EIF3H: variants seen among roughly 807,000 people sequenced by gnomAD.
The protein encoded by EIF3H is eIF-3-gamma.
In EIF3H, 26 loss-of-function variants were observed where a neutral mutation model predicts 44.2. The ratio of observed to expected loss-of-function variants is 0.59; its 90% CI spans 0.43 to 0.82. The LOEUF (loss-of-function observed/expected upper bound fraction) is 0.82. Among genes scored for constraint, EIF3H ranks in the 40% least tolerant of loss-of-function variants. The probability of loss-of-function intolerance (pLI) is 0.00; values close to 1 mark genes in which losing one functional copy is unlikely to be tolerated. For missense variants in EIF3H, 359 were observed against 432.8 expected (o/e 0.83, Z 1.51); for synonymous variants, 166 against 151.9 (o/e 1.09, Z -0.68).
intron 2 of EIF3H, among the ~76,000 whole-genome samples, chr8:116,678,008 G>C (rs1382283567): frequency 1.3e-5 from 2 of 152,088 alleles, no homozygotes; most frequent in African/African-American, 4.8e-5. Context: ...CCCTTCCCAC[G>C]GTCTCCTTCC....
At chr8:116,762,150 A>T (rs1465766407) in intron 1 of EIF3H, among the ~76,000 whole-genome samples, 1 of 152,244 alleles carries the variant, frequency 6.6e-6, no homozygotes, top group Non-Finnish European at 1.5e-5. Context: ...ATCAGCTAAC[A>T]TCAAGGTCTC....
chr8:116,738,113 T>C lies in EIF3H; in HGVS notation c.133-11941A>G, dbSNP rs566231453. On this transcript the variant is annotated intron_variant, in intron 1 of 7. Coordinates refer to ENST00000521861, the MANE Select transcript of EIF3H (RefSeq NM_003756.3). ...CATCTGCATTTTAGTTATACTAGAA[T>C]GGAGCATGTGTTTGTTTTTAATTCA... is the stretch of plus-strand genomic sequence containing the variant. 1.4e-4 allele frequency among the ~76,000 whole-genome samples: 21 copies of C among 151,210 alleles called. No homozygotes were observed. The South Asian group carries it at 4.2e-3, about 30-fold the overall frequency.
chr8:116,645,641 T>C (rs959277905), intron 7 of EIF3H, among the ~76,000 whole-genome samples: 1 of 152,222 alleles, frequency 6.6e-6, no homozygotes, highest in Non-Finnish European at 1.5e-5. Flanking sequence ...TCTAATCCCA[T>C]GCAACAGTTA....
intron 1 of EIF3H, among the ~76,000 whole-genome samples, chr8:116,737,933 G>A (rs1815069792): frequency 6.6e-6 from 1 of 151,202 alleles, no homozygotes; most frequent in African/African-American, 2.4e-5. Context: ...TACTCTGGAG[G>A]CTGAGGCAGG....
At chr8:116,758,179 G>T (rs1246071733), upstream of EIF3H, among the ~76,000 whole-genome samples, 1 of 152,142 alleles carries the variant, frequency 6.6e-6, no homozygotes, top group East Asian at 1.9e-4. Flanking sequence ...AATATATCAT[G>T]TAACCACTAA....
At chr8:116,700,414 C>T (rs1478414025) in intron 2 of EIF3H, among the ~76,000 whole-genome samples, 3 of 148,662 alleles carry the variant, frequency 2.0e-5, no homozygotes, top group Non-Finnish European at 4.5e-5. Context: ...CTTTTCTTTT[C>T]TTTTTTTTTT....
At chr8:116,747,842 G>C (rs1815264248) in intron 1 of EIF3H, among the ~76,000 whole-genome samples, 1 of 152,162 alleles carries the variant, frequency 6.6e-6, no homozygotes, top group Non-Finnish European at 1.5e-5. Flanking sequence ...TGCTGCGGTG[G>C]CTCACACCTG....
chr8:116,682,746 G>A (rs1586454182), intron 2 of EIF3H, among the ~76,000 whole-genome samples: 1 of 152,146 alleles, frequency 6.6e-6, no homozygotes, highest in East Asian at 1.9e-4. Context: ...GGTTTATTGA[G>A]GGGTAAAAGT....
upstream of EIF3H, among the ~76,000 whole-genome samples, chr8:116,758,614 T>C (rs1815484433): frequency 6.6e-6 from 1 of 152,168 alleles, no homozygotes; most frequent in Admixed American, 6.5e-5. Context: ...CTCAGCAAGT[T>C]TAAACCTCAA....
rs539666127 is a variant in EIF3H, at chr8:116,668,387, CTTAT to C, written c.290-9411_290-9408del. On this transcript the variant is annotated intron_variant, in intron 2 of 7. Coordinates refer to ENST00000521861, the MANE Select transcript of EIF3H (RefSeq NM_003756.3). ...TGAGATCATACAAGGTTTTTGCTTT[CTTAT>C]TTATTCTTATCATCATTTTCCCATG... Among the ~76,000 whole-genome samples the C allele has an allele frequency of 8.5e-5, 13 of 152,248 alleles. No homozygotes were observed. The East Asian group carries it at 2.5e-3, about 29-fold the overall frequency.
chr8:116,702,220 C>G (rs1300534280), intron 2 of EIF3H, among the ~76,000 whole-genome samples: 1 of 152,088 alleles, frequency 6.6e-6, no homozygotes, highest in African/African-American at 2.4e-5. Flanking sequence ...AGGAACAAGG[C>G]AGATTTTTGG....
At position 116,720,117 on chromosome 8, in the gene EIF3H, C is replaced by T. The variant is rs890435654; in HGVS notation, c.289+5899G>A. Among the ~76,000 whole-genome samples, 111 of 152,270 alleles carry T rather than the reference C, an allele frequency of 7.3e-4. 1 individual carries two copies. The highest frequency in any genetic ancestry group is 9.3e-4 in the Non-Finnish European group (63 of 68,012). On this transcript the variant is annotated intron_variant, in intron 2 of 7. Transcript: ENST00000521861. ...TCAACTGTGCAGATTAACAACTAAT[C>T]ATAGGCAATTTATATAAGTACACAG...
chr8:116,691,869 C>A (rs376180835), intron 2 of EIF3H, among the ~76,000 whole-genome samples: 798 of 134,044 alleles, frequency 6.0e-3, no homozygotes, highest in Middle Eastern at 7.8e-3. Flanking sequence ...AAGACTGTCT[C>A]AAAAAAAAAA....
chr8:116,736,540 T>C (rs1489565000), intron 1 of EIF3H, among the ~76,000 whole-genome samples: 1 of 152,106 alleles, frequency 6.6e-6, no homozygotes, highest in Non-Finnish European at 1.5e-5. Context: ...CACGCGCCTA[T>C]AGTTCCAGCT....
At chr8:116,680,308 G>A (rs1306986023) in intron 2 of EIF3H, among the ~76,000 whole-genome samples, 1 of 42,450 alleles carries the variant, frequency 2.4e-5, no homozygotes, top group African/African-American at 7.5e-5. Flanking sequence ...GCCCGGCCAC[G>A]ACCCCGTCTG....
chr8:116,674,952 G>A (rs2130825394), intron 2 of EIF3H, among the ~76,000 whole-genome samples: 1 of 152,026 alleles, frequency 6.6e-6, no homozygotes, highest in African/African-American at 2.4e-5. Context: ...CTGCTTTTTT[G>A]TGTTAAACAA....
intron 7 of EIF3H, 84 bp downstream of exon 7, chr8:116,646,387 C>G: frequency 6.3e-7 from 1 of 1,593,456 alleles, no homozygotes; most frequent in Non-Finnish European, 8.6e-7. Flanking sequence ...TTACGGCATG[C>G]TTTTCTGTTT....
chr8:116,730,745 C>T (rs1198550939), intron 1 of EIF3H, among the ~76,000 whole-genome samples: 1 of 152,168 alleles, frequency 6.6e-6, no homozygotes, highest in African/African-American at 2.4e-5. Flanking sequence ...ACATCTTCAA[C>T]ACCTAACACA....
chr8:116,755,481 G>C (rs1047817160), intron 1 of EIF3H, among the ~76,000 whole-genome samples, 185 bp downstream of exon 1: 1 of 152,152 alleles, frequency 6.6e-6, no homozygotes, highest in African/African-American at 2.4e-5. Context: ...TGTCCCGTTA[G>C]AAGACAAGAG....
Sources: gnomAD v4.1 joint callset for allele counts (sites outside exome capture counted in the v4.1 genomes callset) on GRCh38, gnomAD v4.1.1 for gene constraint, MANE v1.5 for transcripts, NCBI Gene and HGNC (gene_info 2026-07-23, HGNC 2026-07-21) for gene names.